Variants in SOX5 observed in about 807,000 individuals in gnomAD.
SOX5 encodes the protein SRY-box transcription factor 5.
A neutral mutation model predicts 92.0 loss-of-function variants in SOX5; 9 were observed. The ratio of observed to expected loss-of-function variants is 0.10; its 90% CI spans 0.06 to 0.17. The LOEUF (loss-of-function observed/expected upper bound fraction) is 0.17. Among genes scored for constraint, SOX5 ranks in the 10% least tolerant of loss-of-function variants. SOX5 has a pLI of 1.00. For synonymous variants in SOX5, 344 were observed against 336.3 expected (o/e 1.02, Z -0.25); for missense variants, 642 against 944.5 (o/e 0.68, Z 4.20).
chr12:23,576,544 A>G (rs1202082386), intron 9 of SOX5, among the ~76,000 whole-genome samples: 1 of 152,196 alleles, frequency 6.6e-6, no homozygotes, highest in African/African-American at 2.4e-5. Flanking sequence ...TTTCTCTTTC[A>G]GTACCTGGTT....
intron 3 of SOX5, among the ~76,000 whole-genome samples, chr12:23,765,867 G>C (rs1276098985): frequency 6.6e-6 from 1 of 151,974 alleles, no homozygotes; most frequent in Non-Finnish European, 1.5e-5. Context: ...AACAGTCATT[G>C]GGTAAACCCC....
intron 4 of SOX5, among the ~76,000 whole-genome samples, chr12:23,960,956 T>C (rs1417249399): frequency 6.6e-6 from 1 of 152,102 alleles, no homozygotes; most frequent in Non-Finnish European, 1.5e-5. Flanking sequence ...TTGTATTTTT[T>C]CTTTACTTTG....
chr12:24,486,487 T>A (rs1946541894), intron 1 of SOX5, among the ~76,000 whole-genome samples: 1 of 152,198 alleles, frequency 6.6e-6, no homozygotes, highest in African/African-American at 2.4e-5. Context: ...CTCTAAAAAC[T>A]GCATAAGAAA....
intron 4 of SOX5, among the ~76,000 whole-genome samples, chr12:24,033,397 C>G (rs1955702832): frequency 6.6e-6 from 1 of 151,882 alleles, no homozygotes. Context: ...CTGAAACTCA[C>G]AGGACCATTA....
At chr12:23,647,084 T>C (rs2080951876) in intron 7 of SOX5, among the ~76,000 whole-genome samples, 1 of 152,234 alleles carries the variant, frequency 6.6e-6, no homozygotes, top group Non-Finnish European at 1.5e-5. Context: ...GAAATGTATT[T>C]CTAAAATAAT....
At chr12:24,443,054 C>T (rs1394160455) in intron 1 of SOX5, among the ~76,000 whole-genome samples, 1 of 146,244 alleles carries the variant, frequency 6.8e-6, no homozygotes, top group Non-Finnish European at 1.5e-5. Flanking sequence ...TGGATTCAAG[C>T]AATTCTCCTG....
chr12:24,455,660 A>T lies in SOX5; in HGVS notation c.-250-87021T>A, dbSNP rs181895922. On this transcript the variant is annotated intron_variant, in intron 1 of 4. Transcript: ENST00000446891. Reference sequence around the variant, plus strand: ...TTCCCTAAACATCCCTGAAAGTGATAGCATTCCAATGAAGACTGATAGTCG... The same window carrying T: ...TTCCCTAAACATCCCTGAAAGTGATTGCATTCCAATGAAGACTGATAGTCG... Among the ~76,000 whole-genome samples the T allele has an allele frequency of 1.8e-3, 268 of 152,356 alleles. 1 individual carries two copies. Among genetic ancestry groups the T allele is most frequent in the African/African-American group, 6.2e-3 (259 of 41,584 alleles).
chr12:24,074,341 A>G (rs915858500), intron 4 of SOX5, among the ~76,000 whole-genome samples: 1 of 152,062 alleles, frequency 6.6e-6, no homozygotes, highest in Non-Finnish European at 1.5e-5. Flanking sequence ...TTCTAATTCT[A>G]TAGAAAGACA....
intron 8 of SOX5, among the ~76,000 whole-genome samples, chr12:23,639,181 T>C (rs1275101193): frequency 1.3e-5 from 2 of 152,108 alleles, no homozygotes; most frequent in East Asian, 3.8e-4. Flanking sequence ...TCTCAAGATA[T>C]TTAATATCTT....
chr12:23,546,477 A>G, intron 11 of SOX5, 53 bp from the exon 12 acceptor site: 2 of 1,066,990 alleles, frequency 1.9e-6, no homozygotes, highest in Non-Finnish European at 2.8e-6. Flanking sequence ...TTATTTGAAG[A>G]CTTTCTTTTT....
chr12:24,076,547 G>T (rs1942623905), intron 4 of SOX5, among the ~76,000 whole-genome samples: 1 of 152,156 alleles, frequency 6.6e-6, no homozygotes, highest in Non-Finnish European at 1.5e-5. Context: ...GTGATTTAAA[G>T]AAAACTCTCC....
intron 3 of SOX5, among the ~76,000 whole-genome samples, chr12:23,802,606 G>A (rs1259654536): frequency 6.6e-5 from 10 of 151,682 alleles, no homozygotes; most frequent in Admixed American, 6.6e-5. Flanking sequence ...TCCTCAATAC[G>A]GAATTGTGAC....
At chr12:23,637,988 T>C (rs2079504699) in intron 8 of SOX5, 1 of 152,068 alleles carries the variant, frequency 6.6e-6, no homozygotes, top group South Asian at 2.1e-4. Flanking sequence ...TACAGGTTTC[T>C]CCATGGAGCA....
chr12:24,033,362 T>G (rs1457937436), intron 4 of SOX5, among the ~76,000 whole-genome samples: 2 of 152,010 alleles, frequency 1.3e-5, no homozygotes, highest in African/African-American at 2.4e-5. Context: ...TTCAAGATTT[T>G]TTATGTCTAA....
chr12:24,003,539 AAAT>A (rs1252443959), intron 4 of SOX5, among the ~76,000 whole-genome samples: 1 of 152,056 alleles, frequency 6.6e-6, no homozygotes, highest in Non-Finnish European at 1.5e-5. Context: ...TGAAATAAGA[AAAT>A]AATTTCATTA....
At chr12:24,403,579 A>G (rs1362529134) in intron 1 of SOX5, among the ~76,000 whole-genome samples, 1 of 152,208 alleles carries the variant, frequency 6.6e-6, no homozygotes, top group East Asian at 1.9e-4. Context: ...TTCAATTTAC[A>G]ATAAAATATT....
At chr12:24,304,080 A>C (rs1385574897) in intron 2 of SOX5, among the ~76,000 whole-genome samples, 1 of 152,208 alleles carries the variant, frequency 6.6e-6, no homozygotes, top group Non-Finnish European at 1.5e-5. Context: ...TAACATAATG[A>C]ATATCTTAAG....
At chr12:23,966,262 G>T in intron 4 of SOX5, among the ~76,000 whole-genome samples, 1 of 132,816 alleles carries the variant, frequency 7.5e-6, no homozygotes. Flanking sequence ...TAAAGGGCCT[G>T]TACTGACTTT....
intron 1 of SOX5, among the ~76,000 whole-genome samples, chr12:23,910,659 T>C (rs2097341935): frequency 6.6e-6 from 1 of 152,070 alleles, no homozygotes; most frequent in South Asian, 2.1e-4. Flanking sequence ...TCAGGGTGCC[T>C]TTTGAGGTTG....
Sources: gnomAD v4.1 joint callset for allele counts (sites outside exome capture counted in the v4.1 genomes callset) on GRCh38, gnomAD v4.1.1 for gene constraint, MANE v1.5 for transcripts, NCBI Gene and HGNC (gene_info 2026-07-23, HGNC 2026-07-21) for gene names.